Variants in PSD3 observed in about 807,000 individuals in gnomAD.
PSD3 encodes the protein pleckstrin and Sec7 domain containing 3, also known as PH and SEC7 domain-containing protein 3.
Under a neutral mutation model 105.5 loss-of-function variants are expected in PSD3, and 49 were observed. The observed-to-expected ratio is 0.46, with a 90% confidence interval of 0.37 to 0.59. The LOEUF is 0.59. PSD3 is among the 20% of genes least tolerant of loss of function. The probability of loss-of-function intolerance (pLI) is 0.00; values close to 1 mark genes in which losing one functional copy is unlikely to be tolerated. For missense variants in PSD3, 1,561 were observed against 1,263.8 expected (o/e 1.24, Z -3.57); for synonymous variants, 557 against 457.8 (o/e 1.22, Z -2.77).
intron 11 of PSD3, among the ~76,000 whole-genome samples, chr8:18,610,483 G>A (rs762879376): frequency 6.6e-6 from 1 of 152,116 alleles, no homozygotes; most frequent in Non-Finnish European, 1.5e-5. Context: ...CTATAAATTT[G>A]TTCTGACCAC....
intron 9 of PSD3, among the ~76,000 whole-genome samples, chr8:18,706,619 T>A (rs1304798189): frequency 6.6e-6 from 1 of 152,212 alleles, no homozygotes; most frequent in African/African-American, 2.4e-5. Flanking sequence ...TGGGCTTGGA[T>A]ATATTTTTCA....
chr8:19,074,667 C>A (rs1157292201), intron 1 of PSD3, among the ~76,000 whole-genome samples: 1 of 120,918 alleles, frequency 8.3e-6, no homozygotes, highest in African/African-American at 3.3e-5. Flanking sequence ...GTGGCCCAGG[C>A]TGGAGTGCAG....
intron 15 of PSD3, among the ~76,000 whole-genome samples, chr8:18,546,850 T>G (rs1420110655): frequency 3.9e-5 from 6 of 151,980 alleles, no homozygotes; most frequent in African/African-American, 1.5e-4. Context: ...TGTGTTTGAG[T>G]TTTTTAGATT....
chr8:18,617,055 T>C (rs1017562993), intron 11 of PSD3, among the ~76,000 whole-genome samples: 4 of 152,222 alleles, frequency 2.6e-5, no homozygotes, highest in Non-Finnish European at 5.9e-5. Context: ...GTGTGCATGT[T>C]AATAAATTTG....
intron 9 of PSD3, among the ~76,000 whole-genome samples, chr8:18,681,910 A>T (rs956395065): frequency 6.6e-6 from 1 of 151,946 alleles, no homozygotes; most frequent in African/African-American, 2.4e-5. Context: ...TTAAAAACCG[A>T]CTATAATCTT....
chr8:18,603,629 A>G (rs1213674430), intron 11 of PSD3, among the ~76,000 whole-genome samples: 1 of 152,212 alleles, frequency 6.6e-6, no homozygotes, highest in Non-Finnish European at 1.5e-5. Context: ...GTGCCCACCC[A>G]AATCTCATGT....
chr8:18,672,477 G>A (rs115443880), intron 9 of PSD3, among the ~76,000 whole-genome samples: 3 of 152,210 alleles, frequency 2.0e-5, no homozygotes, highest in Admixed American at 6.5e-5. Context: ...TATTCAAAAC[G>A]ATCAATACAA....
chr8:18,696,589 C>A (rs980710245), intron 9 of PSD3, among the ~76,000 whole-genome samples: 1 of 152,138 alleles, frequency 6.6e-6, no homozygotes, highest in Admixed American at 6.5e-5. Context: ...TCAGATATTA[C>A]TAATTGCATT....
At chr8:18,760,626 C>T (rs1806436384) in intron 9 of PSD3, among the ~76,000 whole-genome samples, 1 of 152,184 alleles carries the variant, frequency 6.6e-6, no homozygotes, top group Non-Finnish European at 1.5e-5. Flanking sequence ...ACATTTTATC[C>T]ATTCGTCTGC....
intron 9 of PSD3, chr8:18,733,737 G>GCAA (rs1177821719): frequency 6.6e-6 from 1 of 152,522 alleles, no homozygotes; most frequent in Non-Finnish European, 1.5e-5. Flanking sequence ...CAAAAAAAAG[G>GCAA]CAATTATCTT....
At chr8:18,835,899 G>T (rs1029801568) in intron 4 of PSD3, among the ~76,000 whole-genome samples, 10 of 151,110 alleles carry the variant, frequency 6.6e-5, no homozygotes, top group African/African-American at 2.4e-4. Context: ...GGATCGTGTA[G>T]GGACTTGGAG....
chr8:18,762,135 C>T (rs1806592568), intron 9 of PSD3, among the ~76,000 whole-genome samples: 1 of 152,118 alleles, frequency 6.6e-6, no homozygotes, highest in Non-Finnish European at 1.5e-5. Context: ...GATGTGGGGT[C>T]TGTTGGGAGG....
At chr8:18,579,754 T>C (rs970195608) in intron 12 of PSD3, among the ~76,000 whole-genome samples, 1 of 152,190 alleles carries the variant, frequency 6.6e-6, no homozygotes, top group Non-Finnish European at 1.5e-5. Flanking sequence ...AACTACAATT[T>C]GGAAAATGAC....
rs560787687 is a variant in PSD3, at chr8:18,801,493, G to C, written c.1911-111C>G. The C allele has an allele frequency of 3.3e-5, 21 of 626,948 alleles. No homozygotes were observed. The African/African-American group carries it at 3.4e-4, about 10-fold the overall frequency. The allele number at this position is 626,948 out of a possible 1,614,324, so 38.8% of individuals were successfully genotyped here. Reference sequence around the variant, plus strand: ...CTAAGATATTAATTATACAAAGTAAGATATTATGAAGTTATCTCCCCCCAA... The same window carrying C: ...CTAAGATATTAATTATACAAAGTAACATATTATGAAGTTATCTCCCCCCAA... On this transcript the variant is annotated intron_variant, in intron 6 of 15. Transcript: ENST00000327040.
chr8:18,640,475 C>T (rs755232040), intron 10 of PSD3, among the ~76,000 whole-genome samples: 8 of 152,074 alleles, frequency 5.3e-5, no homozygotes, highest in Non-Finnish European at 1.0e-4. Context: ...CCAGGCTACT[C>T]GTGTGATATT....
chr8:19,033,316 C>T (rs553974139), intron 1 of PSD3, among the ~76,000 whole-genome samples: 13 of 151,976 alleles, frequency 8.6e-5, no homozygotes, highest in Middle Eastern at 3.4e-3. Flanking sequence ...TAGTTTATTC[C>T]GCCTCTACTG....
intron 1 of PSD3, among the ~76,000 whole-genome samples, chr8:18,944,333 G>A (rs561820304): frequency 8.5e-4 from 130 of 152,172 alleles, no homozygotes; most frequent in Non-Finnish European, 1.3e-3. Context: ...ACTTTGGGAG[G>A]CCAAGGCGGG....
At chr8:18,550,242 A>G (rs911174643) in intron 15 of PSD3, among the ~76,000 whole-genome samples, 3 of 152,224 alleles carry the variant, frequency 2.0e-5, no homozygotes, top group Non-Finnish European at 4.4e-5. Context: ...ATCTACTAAA[A>G]ATGTGGCTCA....
Position 18,675,640 on chromosome 8 carries a change from G to A in PSD3, c.2173-19955C>T, listed in dbSNP as rs114939817. ...AGAAAAACAAATTCCACCGATATCAGGTGATCTACGTGTCCAAACAGGTAC... is the reference window on the plus strand; with the variant it reads ...AGAAAAACAAATTCCACCGATATCAAGTGATCTACGTGTCCAAACAGGTAC... On this transcript the variant is annotated intron_variant, in intron 9 of 15. Transcript: ENST00000327040. 1.5e-3 allele frequency among the ~76,000 whole-genome samples: 233 copies of A among 152,248 alleles called. 3 individuals are homozygous for A. Among genetic ancestry groups the A allele is most frequent in the South Asian group, 9.3e-3 (45 of 4,824 alleles).
Sources: gnomAD v4.1 joint callset for allele counts (sites outside exome capture counted in the v4.1 genomes callset) on GRCh38, gnomAD v4.1.1 for gene constraint, MANE v1.5 for transcripts, NCBI Gene and HGNC (gene_info 2026-07-23, HGNC 2026-07-21) for gene names.